Variants in SPHKAP observed in about 807,000 individuals in gnomAD.
The protein encoded by SPHKAP is A-kinase anchor protein SPHKAP.
A neutral mutation model predicts 137.5 loss-of-function variants in SPHKAP; 67 were observed. That is an observed-to-expected ratio of 0.49 (90% CI 0.40 to 0.60). The LOEUF (loss-of-function observed/expected upper bound fraction) is 0.60, where lower values mean the gene tolerates loss of function less well. Ranked by LOEUF, SPHKAP falls within the 20% of genes least tolerant of loss-of-function variation. SPHKAP has a pLI of 0.00. For missense variants in SPHKAP, 2,097 were observed against 2,069.3 expected, an observed-to-expected ratio of 1.01 and a Z score of -0.26; for synonymous variants, 813 against 785.3, an observed-to-expected ratio of 1.04 and a Z score of -0.59.
intron 2 of SPHKAP, among the ~76,000 whole-genome samples, chr2:228,118,151 G>A (rs968183977): frequency 4.0e-5 from 6 of 149,940 alleles, no homozygotes; most frequent in African/African-American, 1.5e-4. Flanking sequence ...AGCATAATGA[G>A]TTTGAGATTC....
At chr2:228,067,768 T>C (rs1485792475) in intron 3 of SPHKAP, among the ~76,000 whole-genome samples, 1 of 152,230 alleles carries the variant, frequency 6.6e-6, no homozygotes, top group Admixed American at 6.5e-5. Context: ...CAAACATACA[T>C]GCATAATCAC....
intron 2 of SPHKAP, among the ~76,000 whole-genome samples, chr2:228,124,105 G>C (rs1224396335): frequency 2.6e-5 from 4 of 151,954 alleles, no homozygotes; most frequent in Non-Finnish European, 4.4e-5. Flanking sequence ...AGAGGATGTG[G>C]AGAAATAGGA....
chr2:228,004,531 A>C (rs936955458), intron 7 of SPHKAP, among the ~76,000 whole-genome samples: 1 of 152,172 alleles, frequency 6.6e-6, no homozygotes, highest in African/African-American at 2.4e-5. Flanking sequence ...TGATTTTATG[A>C]AGGGTTTTTT....
rs141901928 is a variant in SPHKAP, at chr2:228,095,099, TGTAGATTCC to T, written c.246+13724_246+13732del. ...CTCAGGATTATAGATTGGAAAAACG[TGTAGATTCC>T]GTAGATTCCAAAACTGTCAATAGAA... On this transcript the variant is annotated intron_variant, in intron 3 of 11. Coordinates refer to ENST00000392056, the MANE Select transcript of SPHKAP (RefSeq NM_001142644.2). 6.0e-3 allele frequency among the ~76,000 whole-genome samples: 914 copies of T among 152,232 alleles called. 15 individuals are homozygous for T. The highest frequency in any genetic ancestry group is 0.021 in the African/African-American group (857 of 41,542).
At chr2:227,982,926 A>G (rs1475148501) in intron 11 of SPHKAP, among the ~76,000 whole-genome samples, 1 of 152,192 alleles carries the variant, frequency 6.6e-6, no homozygotes, top group African/African-American at 2.4e-5. Context: ...AAAGATCTCA[A>G]GAAGACTGTT....
intron 3 of SPHKAP, among the ~76,000 whole-genome samples, chr2:228,068,497 TA>T: frequency 6.6e-6 from 1 of 152,156 alleles, no homozygotes. Flanking sequence ...AAAGCTATAG[TA>T]ATCAAAATAG....
At chr2:228,030,997 C>A (rs915068375) in intron 3 of SPHKAP, among the ~76,000 whole-genome samples, 1 of 152,156 alleles carries the variant, frequency 6.6e-6, no homozygotes, top group Non-Finnish European at 1.5e-5. Context: ...TCTGAGGTAC[C>A]AGGCTCATCT....
chr2:227,987,106 C>T (rs989770358), intron 11 of SPHKAP, among the ~76,000 whole-genome samples: 2 of 152,178 alleles, frequency 1.3e-5, no homozygotes, highest in African/African-American at 4.8e-5. Flanking sequence ...AGGTCTCAAA[C>T]TTCAGTGTTT....
At chr2:228,028,211 CTGTT>C (rs1695134103) in intron 3 of SPHKAP, among the ~76,000 whole-genome samples, 4 of 152,166 alleles carry the variant, frequency 2.6e-5, no homozygotes, top group Admixed American at 2.0e-4. Context: ...CTCTAAGCCT[CTGTT>C]TGTAATTGCA....
chr2:228,053,170 C>T (rs1696317267), intron 3 of SPHKAP, among the ~76,000 whole-genome samples: 3 of 152,036 alleles, frequency 2.0e-5, no homozygotes, highest in African/African-American at 7.2e-5. Context: ...ATCTCTCTTC[C>T]CCCTGGTGTC....
chr2:228,072,113 C>T (rs148965158), intron 3 of SPHKAP, among the ~76,000 whole-genome samples: 18 of 152,192 alleles, frequency 1.2e-4, no homozygotes, highest in African/African-American at 3.4e-4. Context: ...TGACTGAAAC[C>T]GAAGAGATGA....
At chr2:228,044,275 T>C (rs1039241109) in intron 3 of SPHKAP, among the ~76,000 whole-genome samples, 1 of 152,182 alleles carries the variant, frequency 6.6e-6, no homozygotes, top group African/African-American at 2.4e-5. Flanking sequence ...TGAGTGACTC[T>C]ACATAGGGAA....
rs1694601483 is a variant in SPHKAP at position 228,016,580 on chromosome 2, T to C, written c.4274A>G (p.Glu1425Gly). 2 of 1,614,114 alleles carry C rather than the reference T, an allele frequency of 1.2e-6. No individual in the cohort carries two copies. The highest frequency in any genetic ancestry group is 1.7e-6 in the Non-Finnish European group (2 of 1,180,030). The change falls in exon 7 of 12, where the codon GAA becomes GGA. Residue 1425 changes from glutamate to glycine, a missense_variant. Transcript: ENST00000392056. The part of the protein sequence containing the change: ...NHKRRSLCSR[E>G]VPLIQIETDQ... ...TGTTTCAATCTGAATCAAAGGCACTTCCCTCGAGCAAAGTGATCGCCTTTT... is the reference window on the plus strand; with the variant it reads ...TGTTTCAATCTGAATCAAAGGCACTCCCCTCGAGCAAAGTGATCGCCTTTT...
chr2:228,145,826 T>TA (rs1176951260), intron 1 of SPHKAP, among the ~76,000 whole-genome samples: 1 of 152,108 alleles, frequency 6.6e-6, no homozygotes, highest in Non-Finnish European at 1.5e-5. Context: ...AGAATGTACC[T>TA]AAAAAAGACT....
intron 11 of SPHKAP, among the ~76,000 whole-genome samples, chr2:227,986,475 T>C (rs1363578828): frequency 1.3e-5 from 2 of 152,160 alleles, no homozygotes; most frequent in African/African-American, 4.8e-5. Context: ...CAATGTATAC[T>C]GGTCGGGTGA....
In SPHKAP at chr2:228,122,048, C is replaced by CT. The variant is rs1425814458; in HGVS notation, c.138+9931dup. On this transcript the variant is annotated intron_variant, in intron 2 of 11. Transcript: ENST00000392056. ...GTGATAGGGAGCAGGGTTGGCTAGT[C>CT]TTTTTTTTTAAGTACCGAAAGATAA... is the stretch of plus-strand genomic sequence containing the variant. Among the ~76,000 whole-genome samples the CT allele has an allele frequency of 9.9e-5, 15 of 151,086 alleles. 1 individual carries two copies. In the South Asian group the frequency reaches 1.3e-3, roughly 13 times the overall value.
chr2:228,140,785 G>C (rs534082675), intron 1 of SPHKAP, among the ~76,000 whole-genome samples: 202 of 152,130 alleles, frequency 1.3e-3, no homozygotes, highest in Non-Finnish European at 2.1e-3. Context: ...AGATCTGGCT[G>C]TTTAAAAGTG....
At chr2:228,002,529 C>T (rs1046055069) in intron 7 of SPHKAP, among the ~76,000 whole-genome samples, 1 of 152,190 alleles carries the variant, frequency 6.6e-6, no homozygotes, top group African/African-American at 2.4e-5. Flanking sequence ...CCTGTTCACT[C>T]TGATGGTAGT....
rs1700891945 is a variant in SPHKAP, at chr2:228,181,020, G to A, written c.32+547C>T. Among the ~76,000 whole-genome samples the A allele has an allele frequency of 6.6e-6, 1 of 151,994 alleles. No individual in the cohort carries two copies. The highest frequency in any genetic ancestry group is 2.0e-4 in the East Asian group (1 of 5,128). On this transcript the variant is annotated intron_variant, in intron 1 of 11. Transcript: ENST00000392056. The surrounding 1 kb of genome is among the most constrained non-coding windows in gnomAD (Gnocchi z 4.3). ...ACGGTGGAGGACTGTGGGACTGCAG[G>A]GGACCTAGGTGTTTTCTGCCCTGTC...
Sources: allele counts gnomAD v4.1 joint callset (sites outside exome capture counted in the v4.1 genomes callset), GRCh38; gene constraint gnomAD v4.1.1; non-coding constraint Gnocchi (gnomAD v3.1); transcripts MANE v1.5; gene names NCBI Gene and HGNC (gene_info 2026-07-23, HGNC 2026-07-21).